Variants in PFKFB1 observed in about 807,000 individuals in gnomAD.
PFKFB1 encodes the protein 6-phosphofructo-2-kinase/fructose-2,6-biphosphatase 1, also known as 6-phosphofructo-2-kinase/fructose-2,6-bisphosphatase 1.
PFKFB1 carries 34 observed loss-of-function variants against 46.4 expected under a neutral mutation model. That is an observed-to-expected ratio of 0.73 (90% confidence interval 0.56 to 0.98). The LOEUF (loss-of-function observed/expected upper bound fraction) is 0.98. Ranked by LOEUF, PFKFB1 falls within the 50% of genes least tolerant of loss-of-function variation. PFKFB1 has a pLI of 0.00. For synonymous variants in PFKFB1, 119 were observed against 133.8 expected (o/e 0.89, Z 0.76); for missense variants, 393 against 376.3 (o/e 1.04, Z -0.37).
intron 1 of PFKFB1, among the ~76,000 whole-genome samples, chrX:54,968,392 A>G: frequency 9.2e-6 from 1 of 108,172 alleles, no homozygotes; most frequent in Non-Finnish European, 1.9e-5. Flanking sequence ...TAGTGGGTGC[A>G]GCACACCAGC....
rs370500151 is a variant in PFKFB1, at chrX:54,937,737, G to C, written c.1099-13C>G. On this transcript the variant is annotated splice_polypyrimidine_tract_variant and intron_variant, in intron 10 of 13. Transcript: ENST00000375006. ...GATCCTCATAGGACTAAACGTAAGA[G>C]AGATACTTGAGTGAGAAAGGAAGAT... 22 of 1,195,078 alleles carry C rather than the reference G, an allele frequency of 1.8e-5. No individual in the cohort carries two copies. The highest frequency in any genetic ancestry group is 2.3e-6 in the Non-Finnish European group (2 of 884,876).
intron 1 of PFKFB1, among the ~76,000 whole-genome samples, chrX:54,976,671 T>C (rs1427737062): frequency 9.0e-6 from 1 of 111,558 alleles, no homozygotes; most frequent in African/African-American, 3.2e-5. Flanking sequence ...AAATTAAGTT[T>C]ACACAAAAAT....
At chrX:54,951,379 G>A (rs1933968615) in intron 8 of PFKFB1, among the ~76,000 whole-genome samples, 1 of 112,182 alleles carries the variant, frequency 8.9e-6, no homozygotes, top group South Asian at 3.7e-4. Flanking sequence ...TTGGAAGGGA[G>A]TGGGGAGGGC....
chrX:54,951,338 G>A (rs1933967129), intron 8 of PFKFB1, among the ~76,000 whole-genome samples: 1 of 112,288 alleles, frequency 8.9e-6, no homozygotes, highest in African/African-American at 3.2e-5. Context: ...AGGAGAGGAT[G>A]GGGAGGGCTT....
chrX:54,978,925 A>G (rs1394424348), intron 1 of PFKFB1, among the ~76,000 whole-genome samples: 1 of 112,084 alleles, frequency 8.9e-6, no homozygotes, highest in Non-Finnish European at 1.9e-5. Flanking sequence ...AGATTGGATG[A>G]TTCTAAGGAA....
intron 1 of PFKFB1, among the ~76,000 whole-genome samples, chrX:54,979,015 G>A (rs1198851849): frequency 9.0e-6 from 1 of 111,405 alleles, no homozygotes; most frequent in African/African-American, 3.3e-5. Context: ...AACTGAAGAA[G>A]TCTGAATAAA....
Position 54,963,359 on chromosome X carries a change from A to G in PFKFB1, c.121T>C (p.Ser41Pro). 1 of 1,209,487 alleles carries G rather than the reference A, an allele frequency of 8.3e-7. No individual in the cohort carries two copies. ...RGSSIPQFTN[S>P]PTMVIMVGLP... ...CCCACCATGATCACCATTGTGGGGG[A>G]ATTGGTAAACTGGGGTATGGATGCT... Residue 41 changes from serine to proline, a missense_variant, in exon 2 of 14, where the codon TCC (serine) becomes CCC (proline). Transcript: ENST00000375006.
At chrX:54,960,984 G>T in intron 2 of PFKFB1, 67 bp from the exon 3 acceptor site, 1 of 665,452 alleles carries the variant, frequency 1.5e-6, no homozygotes, top group Non-Finnish European at 2.4e-6. Context: ...GTCCTTGCTG[G>T]GAGGGACCTC....
chrX:54,985,644 CCTT>C (rs1235818977), intron 1 of PFKFB1, among the ~76,000 whole-genome samples: 1 of 110,708 alleles, frequency 9.0e-6, no homozygotes, highest in African/African-American at 3.3e-5. Flanking sequence ...TACATGTTCT[CCTT>C]AATTTTCTCA....
rs940810659 is a variant in PFKFB1 at position 54,991,929 on chromosome X, T to A, written c.97+1982A>T. The stretch of plus-strand genomic sequence containing the variant: ...AATGTATTTAATCTTCAAAATAACA[T>A]TAAGTAACTGTGTGTCTGCTAGAGA... On this transcript the variant is annotated intron_variant, in intron 1 of 13. Transcript: ENST00000375006. Among the ~76,000 whole-genome samples, 42 of 111,839 alleles carry A rather than the reference T, an allele frequency of 3.8e-4. 1 individual carries two copies. Among genetic ancestry groups the A allele is most frequent in the African/African-American group, 1.3e-3 (41 of 30,797 alleles).
At chrX:54,993,046 G>C (rs1247352089) in intron 1 of PFKFB1, among the ~76,000 whole-genome samples, 1 of 111,618 alleles carries the variant, frequency 9.0e-6, no homozygotes, top group Non-Finnish European at 1.9e-5. Context: ...TGGAAACTTG[G>C]TTAGCTGGCC....
intron 1 of PFKFB1, among the ~76,000 whole-genome samples, chrX:54,979,090 C>T (rs1400508170): frequency 9.0e-6 from 1 of 111,462 alleles, no homozygotes; most frequent in Non-Finnish European, 1.9e-5. Context: ...ATATACCATG[C>T]TTATGTAAAG....
intron 1 of PFKFB1, among the ~76,000 whole-genome samples, chrX:54,966,733 C>T (rs1431935683): frequency 9.0e-6 from 1 of 111,387 alleles, no homozygotes; most frequent in Non-Finnish European, 1.9e-5. Flanking sequence ...CTCCCTCTCC[C>T]TCTCTCATCC....
intron 2 of PFKFB1, 30 bp downstream of exon 2, chrX:54,963,227 G>A (rs1934370806): frequency 8.3e-7 from 1 of 1,203,433 alleles, no homozygotes; most frequent in African/African-American, 1.8e-5. Flanking sequence ...CTTTTATGGG[G>A]TTGTTGAACA....
At chrX:54,984,802 T>A (rs938734631) in intron 1 of PFKFB1, among the ~76,000 whole-genome samples, 7 of 111,440 alleles carry the variant, frequency 6.3e-5, no homozygotes, top group Non-Finnish European at 1.1e-4. Context: ...TCCTGGCAAG[T>A]GTGGTTAAGA....
At chrX:54,984,391 C>T (rs1157338372) in intron 1 of PFKFB1, among the ~76,000 whole-genome samples, 1 of 112,040 alleles carries the variant, frequency 8.9e-6, no homozygotes, top group Non-Finnish European at 1.9e-5. Context: ...TTGAGACTTT[C>T]ATTTCTGGCA....
chrX:54,997,861 T>A (rs1935380255), upstream of PFKFB1, among the ~76,000 whole-genome samples: 1 of 112,167 alleles, frequency 8.9e-6, no homozygotes, highest in African/African-American at 3.2e-5. Flanking sequence ...TGGGTGGGAT[T>A]GCTTGTGGAG....
intron 1 of PFKFB1, among the ~76,000 whole-genome samples, chrX:54,976,322 C>A (rs1569547178): frequency 9.0e-6 from 1 of 111,204 alleles, no homozygotes; most frequent in Non-Finnish European, 1.9e-5. Flanking sequence ...AGCAAAGCAT[C>A]TGAACAAACA....
rs113690649 is a variant in PFKFB1 at position 54,936,791 on chromosome X, T to C, written c.1228+804A>G. Among the ~76,000 whole-genome samples the C allele has an allele frequency of 3.7e-3, 414 of 111,936 alleles. 3 individuals carry two copies. Among genetic ancestry groups the C allele is most frequent in the Middle Eastern group, 0.018 (4 of 217 alleles). ...GGTTCCAATTCTGGATGACTCCATA[T>C]TACAGTGTTCTTTATTTTCAAACTA... is the stretch of plus-strand genomic sequence containing the variant. On this transcript the variant is annotated intron_variant, in intron 11 of 13. Coordinates refer to ENST00000375006, the MANE Select transcript of PFKFB1 (RefSeq NM_002625.4).
Sources: allele counts gnomAD v4.1 joint callset (sites outside exome capture counted in the v4.1 genomes callset), GRCh38; gene constraint gnomAD v4.1.1; transcripts MANE v1.5; gene names NCBI Gene and HGNC (gene_info 2026-07-23, HGNC 2026-07-21).